The following MGAT4C variants were observed in gnomAD, a reference collection of about 807,000 sequenced individuals.
MGAT4C encodes alpha-1,3-mannosyl-glycoprotein 4-beta-N-acetylglucosaminyltransferase C.
Under a neutral mutation model 40.1 loss-of-function variants are expected in MGAT4C, and 19 were observed. The observed-to-expected ratio is 0.47, with a 90% CI of 0.33 to 0.70. MGAT4C has a LOEUF of 0.70. Ranked by LOEUF, MGAT4C falls within the 30% of genes least tolerant of loss-of-function variation. The pLI, the probability that MGAT4C is intolerant of heterozygous loss-of-function variation, is 0.02. For missense variants in MGAT4C, 491 were observed against 563.2 expected (o/e 0.87, Z 1.30); for synonymous variants, 181 against 187.1 (o/e 0.97, Z 0.27).
chr12:86,003,816 T>TG (rs1260648425), intron 2 of MGAT4C, among the ~76,000 whole-genome samples: 3 of 151,988 alleles, frequency 2.0e-5, no homozygotes. Context: ...AAACTAGATT[T>TG]TTTTTTCTGT....
At chr12:86,038,895 C>T (rs540779378) in intron 2 of MGAT4C, among the ~76,000 whole-genome samples, 5 of 150,028 alleles carry the variant, frequency 3.3e-5, no homozygotes, top group African/African-American at 1.2e-4. Context: ...ATATTTAATG[C>T]TTCCTTCAGG....
At chr12:86,533,912 G>T (rs1959027139) in intron 2 of MGAT4C, among the ~76,000 whole-genome samples, 1 of 151,748 alleles carries the variant, frequency 6.6e-6, no homozygotes, top group Non-Finnish European at 1.5e-5. Context: ...TCTTAAGACT[G>T]ACAAAGCAGA....
At chr12:86,835,961 GTAC>G (rs1566023692) in intron 1 of MGAT4C, among the ~76,000 whole-genome samples, 15 of 151,900 alleles carry the variant, frequency 9.9e-5, no homozygotes, top group African/African-American at 3.6e-4. Context: ...GCAAAAATAT[GTAC>G]CATTTATTGA....
chr12:86,409,497 A>G (rs1420483739), intron 3 of MGAT4C, among the ~76,000 whole-genome samples: 1 of 152,156 alleles, frequency 6.6e-6, no homozygotes, highest in East Asian at 1.9e-4. Flanking sequence ...AACAAAAACT[A>G]TTACAAAGGA....
chr12:86,040,091 T>C (rs1289823817), intron 2 of MGAT4C, among the ~76,000 whole-genome samples: 1 of 152,188 alleles, frequency 6.6e-6, no homozygotes, highest in Non-Finnish European at 1.5e-5. Flanking sequence ...TATTCCTTCC[T>C]CTAGAAGCTT....
chr12:86,458,621 T>C (rs1957546927), intron 2 of MGAT4C, among the ~76,000 whole-genome samples: 1 of 152,208 alleles, frequency 6.6e-6, no homozygotes. Context: ...TGAAAGACCG[T>C]ATTAAGAGAA....
chr12:86,441,561 T>C (rs1321967622), intron 2 of MGAT4C, among the ~76,000 whole-genome samples: 1 of 141,298 alleles, frequency 7.1e-6, no homozygotes, highest in African/African-American at 2.6e-5. Flanking sequence ...AGTGTTCTCA[T>C]TGTTCAATTC....
At chr12:86,321,109 A>G (rs1464489631) in intron 4 of MGAT4C, among the ~76,000 whole-genome samples, 1 of 152,144 alleles carries the variant, frequency 6.6e-6, no homozygotes, top group Non-Finnish European at 1.5e-5. Flanking sequence ...AAGTCACTAT[A>G]CCTTTTTAAA....
chr12:86,641,382 G>T (rs1296011207), intron 2 of MGAT4C, among the ~76,000 whole-genome samples: 2 of 151,426 alleles, frequency 1.3e-5, no homozygotes, highest in African/African-American at 4.9e-5. Flanking sequence ...GGTGGGGGGA[G>T]AGGGGAGGGA....
At chr12:86,441,343 TTTATTA>T (rs1000725514) in intron 2 of MGAT4C, among the ~76,000 whole-genome samples, 4 of 150,024 alleles carry the variant, frequency 2.7e-5, no homozygotes, top group Non-Finnish European at 5.9e-5. Context: ...TATTATTATT[TTTATTA>T]TTATTATTAT....
intron 4 of MGAT4C, among the ~76,000 whole-genome samples, chr12:86,333,719 T>TA (rs1252049375): frequency 1.1e-4 from 17 of 152,076 alleles, no homozygotes; most frequent in Non-Finnish European, 1.5e-4. Context: ...TAAATTATGT[T>TA]AAAAAAAGGC....
At chr12:86,040,911 T>G (rs7971567) in intron 2 of MGAT4C, among the ~76,000 whole-genome samples, 30,231 of 152,066 alleles carry the variant, frequency 0.2, 3,698 homozygotes, top group Non-Finnish European at 0.28. Flanking sequence ...ACAGTCCTAA[T>G]GGCTTCCCTT....
chr12:86,694,717 T>C (rs1354443765), intron 2 of MGAT4C, among the ~76,000 whole-genome samples: 2 of 152,172 alleles, frequency 1.3e-5, no homozygotes, highest in Admixed American at 1.3e-4. Flanking sequence ...AGCAGAATAA[T>C]GAAACTAGAC....
At chr12:86,551,081 C>T (rs1263453348) in intron 2 of MGAT4C, among the ~76,000 whole-genome samples, 1 of 152,184 alleles carries the variant, frequency 6.6e-6, no homozygotes, top group Admixed American at 6.5e-5. Context: ...GGAACACACC[C>T]AGGGCTACTG....
chr12:86,156,417 G>A (rs902285582), intron 1 of MGAT4C, among the ~76,000 whole-genome samples: 8 of 152,088 alleles, frequency 5.3e-5, no homozygotes, highest in African/African-American at 1.9e-4. Flanking sequence ...CCGTGTCCCA[G>A]GTTCAAGCGA....
rs547876827 is a variant in MGAT4C, at chr12:86,532,536, TAAAAGGCA to T, written c.-228-97279_-228-97272del. Among the ~76,000 whole-genome samples the T allele has an allele frequency of 3.2e-3, 488 of 152,104 alleles. 2 individuals are homozygous for T. Among genetic ancestry groups the T allele is most frequent in the African/African-American group, 0.011 (475 of 41,540 alleles). ...AAGGCCAAAGACAATGTTGGTGAGTTAAAAGGCAAAAAGGCATTCAAAGAATAATTTTG... is the reference window on the plus strand; with the variant it reads ...AAGGCCAAAGACAATGTTGGTGAGTTAAAAGGCATTCAAAGAATAATTTTG... On this transcript the variant is annotated intron_variant, in intron 2 of 7. Transcript: ENST00000548651.
chr12:86,097,418 A>G (rs1182650069), intron 1 of MGAT4C, among the ~76,000 whole-genome samples: 2 of 151,708 alleles, frequency 1.3e-5, no homozygotes, highest in Admixed American at 1.3e-4. Context: ...CCTGGATACT[A>G]AAATAACATG....
chr12:86,508,558 C>A (rs1374406414), intron 2 of MGAT4C, among the ~76,000 whole-genome samples: 1 of 152,066 alleles, frequency 6.6e-6, no homozygotes, highest in Non-Finnish European at 1.5e-5. Context: ...ATTTATACTC[C>A]TTTGGGTATA....
intron 1 of MGAT4C, among the ~76,000 whole-genome samples, chr12:86,115,461 T>C (rs756025789): frequency 2.6e-5 from 4 of 152,000 alleles, no homozygotes; most frequent in Non-Finnish European, 5.9e-5. Flanking sequence ...ACAATATTAA[T>C]AGAATAGACT....
Sources: allele counts gnomAD v4.1 joint callset (sites outside exome capture counted in the v4.1 genomes callset), GRCh38; gene constraint gnomAD v4.1.1; transcripts MANE v1.5; gene names NCBI Gene and HGNC (gene_info 2026-07-23, HGNC 2026-07-21).